The following KIAA1217 variants were observed in gnomAD, a reference collection of about 807,000 sequenced individuals.
The protein encoded by KIAA1217 is KIAA1217, also known as sickle tail protein homolog.
A neutral mutation model predicts 163.9 loss-of-function variants in KIAA1217; 88 were observed. The ratio of observed to expected loss-of-function variants is 0.54; its 90% CI spans 0.45 to 0.64. The LOEUF (loss-of-function observed/expected upper bound fraction) is 0.64. KIAA1217 is among the 30% of genes least tolerant of loss of function. The pLI is 0.00. For synonymous variants in KIAA1217, 903 were observed against 923.1 expected, an observed-to-expected ratio of 0.98 and a Z score of 0.39; for missense variants, 2,372 against 2,475.0, an observed-to-expected ratio of 0.96 and a Z score of 0.88.
intron 1 of KIAA1217, among the ~76,000 whole-genome samples, chr10:23,813,639 TGTAAA>T (rs989965771): frequency 5.9e-5 from 9 of 152,170 alleles, no homozygotes; most frequent in Admixed American, 2.0e-4. Flanking sequence ...CTTGCACACT[TGTAAA>T]GTATTTTCAA....
At chr10:24,144,501 A>T (rs2064221003) in intron 2 of KIAA1217, among the ~76,000 whole-genome samples, 1 of 152,184 alleles carries the variant, frequency 6.6e-6, no homozygotes, top group Non-Finnish European at 1.5e-5. Flanking sequence ...ACTATTATTG[A>T]CTTAATTTTG....
At chr10:23,895,857 T>C (rs1425372850) in intron 1 of KIAA1217, among the ~76,000 whole-genome samples, 2 of 151,120 alleles carry the variant, frequency 1.3e-5, no homozygotes, top group African/African-American at 2.4e-5. Context: ...ATGGATGAAA[T>C]TGGAAATCAT....
intron 1 of KIAA1217, among the ~76,000 whole-genome samples, chr10:23,939,731 A>G (rs1211159341): frequency 6.6e-6 from 1 of 151,626 alleles, no homozygotes; most frequent in Non-Finnish European, 1.5e-5. Flanking sequence ...CATCAAGTAT[A>G]TAGAAGACTT....
chr10:24,215,273 C>T (rs1236485216), intron 1 of KIAA1217, among the ~76,000 whole-genome samples: 1 of 152,070 alleles, frequency 6.6e-6, no homozygotes, highest in Non-Finnish European at 1.5e-5. Flanking sequence ...GAGGAGTTGC[C>T]CTGGGCTCTG....
intron 2 of KIAA1217, among the ~76,000 whole-genome samples, chr10:24,372,070 G>A (rs2051735210): frequency 6.6e-6 from 1 of 152,156 alleles, no homozygotes; most frequent in Non-Finnish European, 1.5e-5. Flanking sequence ...GGCAGGAGGA[G>A]AGCAAGGGTT....
At chr10:24,077,843 C>A (rs556664107) in intron 2 of KIAA1217, among the ~76,000 whole-genome samples, 1 of 152,292 alleles carries the variant, frequency 6.6e-6, no homozygotes, top group African/African-American at 2.4e-5. Flanking sequence ...CACAATGTGG[C>A]CAGCATCTCT....
chr10:24,032,025 A>G (rs1848209128), intron 2 of KIAA1217, among the ~76,000 whole-genome samples: 1 of 152,192 alleles, frequency 6.6e-6, no homozygotes, highest in African/African-American at 2.4e-5. Flanking sequence ...TGTGCATTGA[A>G]TTACATGTCA....
chr10:24,014,806 A>G (rs188947944), intron 2 of KIAA1217, among the ~76,000 whole-genome samples: 1 of 152,242 alleles, frequency 6.6e-6, no homozygotes, highest in East Asian at 1.9e-4. Flanking sequence ...TTTGAAAATC[A>G]TTTTGAGGGC....
chr10:23,921,693 G>A (rs1842852161), intron 1 of KIAA1217, among the ~76,000 whole-genome samples: 1 of 152,074 alleles, frequency 6.6e-6, no homozygotes, highest in African/African-American at 2.4e-5. Context: ...GGGATGAGCA[G>A]GTGCACCCCC....
At chr10:24,123,681 A>G (rs1464122065) in intron 2 of KIAA1217, among the ~76,000 whole-genome samples, 2 of 152,180 alleles carry the variant, frequency 1.3e-5, no homozygotes, top group Non-Finnish European at 2.9e-5. Context: ...ACCCCAGACC[A>G]ATTAAATCAG....
chr10:24,063,148 A>G (rs899285923), intron 2 of KIAA1217, among the ~76,000 whole-genome samples: 1 of 151,950 alleles, frequency 6.6e-6, no homozygotes, highest in African/African-American at 2.4e-5. Context: ...GTTTAATTAG[A>G]TCCCATTTGT....
At chr10:24,377,510 C>A (rs1003031827) in intron 2 of KIAA1217, among the ~76,000 whole-genome samples, 1 of 152,126 alleles carries the variant, frequency 6.6e-6, no homozygotes, top group African/African-American at 2.4e-5. Flanking sequence ...CTAACTCCAA[C>A]ATAAAGAATT....
chr10:23,852,901 A>G (rs969637409), intron 1 of KIAA1217, among the ~76,000 whole-genome samples: 2 of 152,222 alleles, frequency 1.3e-5, no homozygotes, highest in African/African-American at 4.8e-5. Context: ...TATCAGCAGA[A>G]GGACATTTTG....
At chr10:24,046,040 T>A (rs1848996108) in intron 2 of KIAA1217, among the ~76,000 whole-genome samples, 1 of 152,206 alleles carries the variant, frequency 6.6e-6, no homozygotes, top group African/African-American at 2.4e-5. Context: ...TGGCATTTCT[T>A]CCTGGGCTTT....
intron 1 of KIAA1217, among the ~76,000 whole-genome samples, chr10:23,970,040 C>T (rs1845245268): frequency 6.6e-6 from 1 of 152,138 alleles, no homozygotes; most frequent in South Asian, 2.1e-4. Context: ...GGAAACTGCC[C>T]CCGTGATTCG....
chr10:24,039,443 G>C (rs950966130), intron 2 of KIAA1217, among the ~76,000 whole-genome samples: 1 of 152,192 alleles, frequency 6.6e-6, no homozygotes, highest in East Asian at 1.9e-4. Flanking sequence ...CCCTCGATAT[G>C]CTGGGCAGCA....
chr10:23,956,806 C>G (rs1844581493), intron 1 of KIAA1217, among the ~76,000 whole-genome samples: 1 of 152,098 alleles, frequency 6.6e-6, no homozygotes. Context: ...GCTTTTTAAA[C>G]AACCAGCTCT....
chr10:24,485,058 T>C (rs1647082298), intron 6 of KIAA1217, among the ~76,000 whole-genome samples: 1 of 150,248 alleles, frequency 6.7e-6, no homozygotes, highest in South Asian at 2.1e-4. Flanking sequence ...TGGGTGGGAC[T>C]GAGCTTGGAC....
intron 2 of KIAA1217, among the ~76,000 whole-genome samples, chr10:24,143,066 A>G (rs932421596): frequency 6.6e-6 from 1 of 152,228 alleles, no homozygotes; most frequent in African/African-American, 2.4e-5. Context: ...TTAAGGTTAC[A>G]AGGAGCAGAG....
Sources: allele counts gnomAD v4.1 joint callset (sites outside exome capture counted in the v4.1 genomes callset), GRCh38; gene constraint gnomAD v4.1.1; transcripts MANE v1.5; gene names NCBI Gene and HGNC (gene_info 2026-07-23, HGNC 2026-07-21).